FAAH2: variants seen among roughly 807,000 people sequenced by gnomAD.
The protein encoded by FAAH2 is fatty-acid amide hydrolase 2.
A neutral mutation model predicts 36.9 loss-of-function variants in FAAH2; 60 were observed. The ratio of observed to expected loss-of-function variants is 1.63; its 90% CI spans 1.32 to 2.02. The LOEUF (loss-of-function observed/expected upper bound fraction) is 2.02. Ranked by LOEUF, FAAH2 falls within the 30% of genes most tolerant of loss-of-function variation. The pLI is 0.00. For missense variants in FAAH2, 689 were observed against 397.5 expected, an observed-to-expected ratio of 1.73 and a Z score of -6.23; for synonymous variants, 214 against 143.8, an observed-to-expected ratio of 1.49 and a Z score of -3.49.
At chrX:57,307,336 G>A (rs1275971019) in intron 2 of FAAH2, among the ~76,000 whole-genome samples, 1 of 109,289 alleles carries the variant, frequency 9.2e-6, no homozygotes, top group East Asian at 2.9e-4. Flanking sequence ...ATTCTATGAG[G>A]TAATTATTTT....
At chrX:57,475,661 G>A (rs773275270) in intron 10 of FAAH2, among the ~76,000 whole-genome samples, 8 of 111,739 alleles carry the variant, frequency 7.2e-5, no homozygotes, top group Non-Finnish European at 1.3e-4. Flanking sequence ...GCTTAGGATT[G>A]CCGTAGCTAA....
intron 2 of FAAH2, among the ~76,000 whole-genome samples, chrX:57,309,854 T>C (rs1315658571): frequency 8.9e-6 from 1 of 112,030 alleles, no homozygotes; most frequent in Non-Finnish European, 1.9e-5. Flanking sequence ...GTGGATTCCA[T>C]GTGTTTACTA....
chrX:57,436,535 G>A (rs1386671510), intron 8 of FAAH2, among the ~76,000 whole-genome samples: 1 of 110,533 alleles, frequency 9.0e-6, no homozygotes, highest in Non-Finnish European at 1.9e-5. Context: ...TGAAAAAAGA[G>A]AGATTACAAC....
chrX:57,145,889 G>C, the FAAH2 span, among the ~76,000 whole-genome samples: 1 of 111,296 alleles, frequency 9.0e-6, no homozygotes, highest in Non-Finnish European at 1.9e-5. Flanking sequence ...TTTATTTCTG[G>C]GTTCTCTGTT....
chrX:57,198,137 G>A, the FAAH2 span, among the ~76,000 whole-genome samples: 3 of 111,142 alleles, frequency 2.7e-5, no homozygotes, highest in African/African-American at 9.8e-5. Flanking sequence ...GAGCTCCCAA[G>A]AGGTTATGAT....
the FAAH2 span, among the ~76,000 whole-genome samples, chrX:57,154,642 T>G: frequency 9.0e-6 from 1 of 111,167 alleles, no homozygotes; most frequent in Admixed American, 9.6e-5. Flanking sequence ...ATTGATTAGC[T>G]TAATAATCAA....
intron 10 of FAAH2, among the ~76,000 whole-genome samples, chrX:57,464,567 A>G (rs983830219): frequency 1.8e-5 from 2 of 109,356 alleles, no homozygotes; most frequent in African/African-American, 6.6e-5. Context: ...ATTAAAGTAA[A>G]GGGCTTCTGT....
At chrX:57,200,951 T>C in the FAAH2 span, among the ~76,000 whole-genome samples, 1 of 111,560 alleles carries the variant, frequency 9.0e-6, no homozygotes, top group African/African-American at 3.3e-5. Flanking sequence ...AGAATTGTTA[T>C]GATATTGGTA....
the FAAH2 span, among the ~76,000 whole-genome samples, chrX:57,162,090 T>C: frequency 9.0e-6 from 1 of 111,667 alleles, no homozygotes; most frequent in African/African-American, 3.3e-5. Context: ...TGCTTGTCTG[T>C]AAAATATTTT....
chrX:57,286,521 A>G (rs1460710575), upstream of FAAH2, among the ~76,000 whole-genome samples: 1 of 111,384 alleles, frequency 9.0e-6, no homozygotes. Context: ...CCAGGGCTAC[A>G]CAGTAGCAGA....
At chrX:57,220,058 C>T in the FAAH2 span, among the ~76,000 whole-genome samples, 1 of 109,015 alleles carries the variant, frequency 9.2e-6, no homozygotes, top group Non-Finnish European at 1.9e-5. Context: ...ACAACCTGTC[C>T]TCTGCAATTC....
chrX:57,418,204 G>T (rs749930829), intron 7 of FAAH2, among the ~76,000 whole-genome samples: 1 of 111,846 alleles, frequency 8.9e-6, no homozygotes, highest in African/African-American at 3.2e-5. Context: ...CCACTTGTCT[G>T]CCTGGCTTCA....
chrX:57,359,602 CCT>C (rs1233873208), intron 5 of FAAH2, among the ~76,000 whole-genome samples: 3 of 111,482 alleles, frequency 2.7e-5, no homozygotes, highest in Non-Finnish European at 5.7e-5. Flanking sequence ...CATATCTGCC[CCT>C]CTTTATGTTA....
At chrX:57,446,532 G>T (rs1321522764) in intron 8 of FAAH2, among the ~76,000 whole-genome samples, 1 of 111,515 alleles carries the variant, frequency 9.0e-6, no homozygotes, top group Non-Finnish European at 1.9e-5. Flanking sequence ...GAATATTTTC[G>T]TCATTCCTAA....
chrX:57,145,188 T>G, the FAAH2 span, among the ~76,000 whole-genome samples: 5 of 110,198 alleles, frequency 4.5e-5, no homozygotes, highest in African/African-American at 1.4e-4. Flanking sequence ...TGTAGAAGTG[T>G]TCCCTTTTCA....
the FAAH2 span, among the ~76,000 whole-genome samples, chrX:57,248,905 CAAG>C: frequency 2.0e-5 from 2 of 100,307 alleles, no homozygotes; most frequent in Admixed American, 1.2e-4. Context: ...TTGCTTATTC[CAAG>C]AAGAAGTTTA....
At chrX:57,299,835 A>C (rs1268622680) in intron 2 of FAAH2, among the ~76,000 whole-genome samples, 1 of 111,987 alleles carries the variant, frequency 8.9e-6, no homozygotes, top group African/African-American at 3.2e-5. Flanking sequence ...GAGCCAAATC[A>C]TAAGTGAACT....
At chrX:57,181,189 G>C in the FAAH2 span, among the ~76,000 whole-genome samples, 2 of 111,064 alleles carry the variant, frequency 1.8e-5, no homozygotes, top group South Asian at 7.5e-4. Flanking sequence ...ATGGGGAAAA[G>C]CTAGAAGCGT....
At chrX:57,219,442 C>A in the FAAH2 span, among the ~76,000 whole-genome samples, 1 of 111,913 alleles carries the variant, frequency 8.9e-6, no homozygotes, top group South Asian at 3.8e-4. Flanking sequence ...CCTCCAGTCG[C>A]CTCTCTGTGC....
Sources: gnomAD v4.1 joint callset for allele counts (sites outside exome capture counted in the v4.1 genomes callset) on GRCh38, gnomAD v4.1.1 for gene constraint, MANE v1.5 for transcripts, NCBI Gene and HGNC (gene_info 2026-07-23, HGNC 2026-07-21) for gene names.